The following FOXP1 variants were observed in gnomAD, a reference collection of about 807,000 sequenced individuals.
The protein encoded by FOXP1 is forkhead box protein P1.
FOXP1 carries 15 observed loss-of-function variants against 98.2 expected under a neutral mutation model. That is an observed-to-expected ratio of 0.15 (90% CI 0.10 to 0.24). FOXP1 has a LOEUF of 0.24. Ranked by LOEUF, FOXP1 falls within the 10% of genes least tolerant of loss-of-function variation. The pLI, the probability that FOXP1 is intolerant of heterozygous loss-of-function variation, is 1.00. For synonymous variants in FOXP1, 371 were observed against 314.5 expected, an observed-to-expected ratio of 1.18 and a Z score of -1.90; for missense variants, 633 against 848.5, an observed-to-expected ratio of 0.75 and a Z score of 3.15.
chr3:71,148,797 G>C (rs971194217), intron 6 of FOXP1, among the ~76,000 whole-genome samples: 2 of 152,198 alleles, frequency 1.3e-5, no homozygotes, highest in African/African-American at 4.8e-5. Context: ...CACCAAACTA[G>C]AGCAAATGGA....
At chr3:71,405,765 G>A (rs2082274697) in intron 3 of FOXP1, among the ~76,000 whole-genome samples, 1 of 151,256 alleles carries the variant, frequency 6.6e-6, no homozygotes, top group African/African-American at 2.4e-5. Flanking sequence ...TTTCACTCTT[G>A]TCACCCAGGC....
chr3:71,280,756 A>C (rs1482704548), intron 5 of FOXP1, among the ~76,000 whole-genome samples: 1 of 152,074 alleles, frequency 6.6e-6, no homozygotes, highest in Non-Finnish European at 1.5e-5. Flanking sequence ...GCAGAGACAA[A>C]TGTTTAGAAG....
chr3:71,058,477 A>G (rs1380321063), intron 7 of FOXP1, among the ~76,000 whole-genome samples: 3 of 152,154 alleles, frequency 2.0e-5, no homozygotes, highest in Non-Finnish European at 4.4e-5. Context: ...TTGGGTGATA[A>G]CTGACCAGGT....
At position 71,103,533 on chromosome 3, in the gene FOXP1, T is replaced by C. The variant is rs867449847; in HGVS notation, c.282+9003A>G. Among the ~76,000 whole-genome samples, 58 of 152,274 alleles carry C rather than the reference T, an allele frequency of 3.8e-4. No homozygotes were observed. The Middle Eastern group carries it at 0.01, about 27-fold the overall frequency. ...TGCCAGGGGAGTGCGACTACCTCCA[T>C]TGTCACTTCTGGTCCATGGTATTGC... On this transcript the variant is annotated intron_variant, in intron 7 of 20. Transcript: ENST00000649528.
At chr3:71,001,159 C>T (rs2042075656) in intron 12 of FOXP1, 100 bp from the exon 13 acceptor site, 1 of 857,170 alleles carries the variant, frequency 1.2e-6, no homozygotes, top group African/African-American at 1.7e-5. Context: ...GCGGGTCTAG[C>T]TCCCAGGAGA....
intron 5 of FOXP1, among the ~76,000 whole-genome samples, chr3:71,240,211 C>T (rs1314983490): frequency 1.3e-5 from 2 of 152,274 alleles, no homozygotes; most frequent in African/African-American, 4.8e-5. Context: ...ATTCAATCCT[C>T]AGTTACACCC....
At chr3:71,256,762 CCT>C (rs2107130880) in intron 5 of FOXP1, among the ~76,000 whole-genome samples, 1 of 152,246 alleles carries the variant, frequency 6.6e-6, no homozygotes, top group East Asian at 1.9e-4. Flanking sequence ...GATCCCCTGC[CCT>C]GTCATCGCCA....
chr3:71,467,244 T>C (rs572201161), intron 3 of FOXP1, among the ~76,000 whole-genome samples: 31 of 152,316 alleles, frequency 2.0e-4, no homozygotes, highest in South Asian at 8.3e-4. Flanking sequence ...TACACACACA[T>C]ATATACCTAT....
chr3:71,518,356 T>A (rs940056599), intron 2 of FOXP1, among the ~76,000 whole-genome samples: 1 of 152,156 alleles, frequency 6.6e-6, no homozygotes, highest in Non-Finnish European at 1.5e-5. Context: ...AACCTCCCCA[T>A]GCTTATTTGC....
intron 6 of FOXP1, among the ~76,000 whole-genome samples, chr3:71,119,673 A>G (rs1482662275): frequency 1.3e-5 from 2 of 152,214 alleles, no homozygotes; most frequent in Non-Finnish European, 2.9e-5. Flanking sequence ...TGATCATTTA[A>G]CACAACCTGA....
chr3:71,052,334 G>A (rs535928562), intron 9 of FOXP1, among the ~76,000 whole-genome samples: 1 of 152,228 alleles, frequency 6.6e-6, no homozygotes, highest in South Asian at 2.1e-4. Context: ...CACGTGCAGT[G>A]GTGTTATAAA....
At chr3:71,271,589 C>G (rs569495757) in intron 5 of FOXP1, among the ~76,000 whole-genome samples, 5 of 152,306 alleles carry the variant, frequency 3.3e-5, no homozygotes, top group Admixed American at 1.3e-4. Flanking sequence ...ATCAAGAGAA[C>G]TTAATTCCTT....
chr3:70,966,619 T>C (rs1052160223), intron 19 of FOXP1, among the ~76,000 whole-genome samples: 2 of 152,182 alleles, frequency 1.3e-5, no homozygotes, highest in African/African-American at 4.8e-5. Flanking sequence ...TTTTTGAATC[T>C]GTTTAGTGCA....
At chr3:71,555,730 AT>A (rs949271386) in intron 2 of FOXP1, among the ~76,000 whole-genome samples, 7 of 152,214 alleles carry the variant, frequency 4.6e-5, no homozygotes, top group Non-Finnish European at 1.0e-4. Context: ...AAAAAAGTGC[AT>A]GGAAATAAGC....
At chr3:70,986,692 TC>T (rs1253350583) in intron 14 of FOXP1, among the ~76,000 whole-genome samples, 3 of 152,196 alleles carry the variant, frequency 2.0e-5, no homozygotes, top group Non-Finnish European at 4.4e-5. Flanking sequence ...ATGACCTGGT[TC>T]TTTTTTTTCC....
chr3:71,110,004 C>A (rs2057782503), intron 7 of FOXP1, among the ~76,000 whole-genome samples: 1 of 152,134 alleles, frequency 6.6e-6, no homozygotes, highest in African/African-American at 2.4e-5. Flanking sequence ...AAGATTACCC[C>A]TTCTCCCCCT....
At chr3:70,988,941 G>A (rs531434317) in intron 13 of FOXP1, among the ~76,000 whole-genome samples, 11 of 152,228 alleles carry the variant, frequency 7.2e-5, no homozygotes, top group Admixed American at 2.6e-4. Context: ...AGGGAAGATG[G>A]AGAAGAGATT....
chr3:71,106,185 G>T (rs879262924), intron 7 of FOXP1, among the ~76,000 whole-genome samples: 5 of 152,200 alleles, frequency 3.3e-5, no homozygotes, highest in South Asian at 2.1e-4. Flanking sequence ...GCTGGCCCAC[G>T]TTCAGCACTG....
chr3:71,139,247 C>T (rs1231223000), intron 6 of FOXP1, among the ~76,000 whole-genome samples: 2 of 152,120 alleles, frequency 1.3e-5, no homozygotes, highest in South Asian at 2.1e-4. Flanking sequence ...TCTGGGCTCA[C>T]ACTGTCTGAA....
Sources: allele counts gnomAD v4.1 joint callset (sites outside exome capture counted in the v4.1 genomes callset), GRCh38; gene constraint gnomAD v4.1.1; transcripts MANE v1.5; gene names NCBI Gene and HGNC (gene_info 2026-07-23, HGNC 2026-07-21).